RPS6KA2: variants seen among roughly 807,000 people sequenced by gnomAD.
RPS6KA2 encodes the protein ribosomal protein S6 kinase alpha-2.
Under a neutral mutation model 91.8 loss-of-function variants are expected in RPS6KA2, and 42 were observed. That is an observed-to-expected ratio of 0.46 (90% CI 0.36 to 0.59). The LOEUF (loss-of-function observed/expected upper bound fraction) is 0.59. Ranked by LOEUF, RPS6KA2 falls within the 20% of genes least tolerant of loss-of-function variation. The probability of loss-of-function intolerance (pLI) is 0.00; values close to 1 mark genes in which losing one functional copy is unlikely to be tolerated. For missense variants in RPS6KA2, 798 were observed against 978.5 expected, an observed-to-expected ratio of 0.82 and a Z score of 2.46; for synonymous variants, 414 against 393.6, an observed-to-expected ratio of 1.05 and a Z score of -0.61.
intron 14 of RPS6KA2, among the ~76,000 whole-genome samples, chr6:166,447,773 G>A (rs1779725983): frequency 6.6e-6 from 1 of 152,188 alleles, no homozygotes; most frequent in African/African-American, 2.4e-5. Flanking sequence ...GATGTTCTTT[G>A]AAGGGCAAGC....
chr6:166,781,612 T>C (rs1391482778), intron 2 of RPS6KA2, among the ~76,000 whole-genome samples: 1 of 152,202 alleles, frequency 6.6e-6, no homozygotes, highest in Non-Finnish European at 1.5e-5. Flanking sequence ...ATGTCCCGTA[T>C]GCACTCACCC....
chr6:166,742,421 C>T (rs182110723), intron 2 of RPS6KA2, among the ~76,000 whole-genome samples: 1 of 152,306 alleles, frequency 6.6e-6, no homozygotes, highest in East Asian at 1.9e-4. Context: ...AAGAGAGACA[C>T]AGACCTATGA....
At chr6:166,808,541 C>T (rs1254219510) in intron 2 of RPS6KA2, among the ~76,000 whole-genome samples, 1 of 152,164 alleles carries the variant, frequency 6.6e-6, no homozygotes, top group Non-Finnish European at 1.5e-5. Flanking sequence ...TGGCTCATAG[C>T]AGAGATGCAG....
In RPS6KA2 at chr6:166,419,992, TC is replaced by T. The variant is rs1379504988; in HGVS notation, c.1744-35del. The T allele has an allele frequency of 6.3e-7, 1 of 1,588,778 alleles. No individual in the cohort carries two copies. Among genetic ancestry groups the T allele is most frequent in the African/African-American group, 1.3e-5 (1 of 74,362 alleles). On this transcript the variant is annotated intron_variant, in intron 17 of 20. Transcript: ENST00000265678. This position sits in a 1 kb window ranked among gnomAD's most constrained non-coding sequence, Gnocchi z 5.6. ...GAACGACAGGACACCGGCACGCCCT[TC>T]ACTAAGGACATTCAGATTGACAGCA...
chr6:166,550,994 CAAAAA>C (rs58796308), intron 1 of RPS6KA2, among the ~76,000 whole-genome samples: 2 of 106,378 alleles, frequency 1.9e-5, no homozygotes, highest in African/African-American at 3.0e-5. Flanking sequence ...GACTCTATCT[CAAAAA>C]AAAAAAAAAA....
intron 2 of RPS6KA2, among the ~76,000 whole-genome samples, chr6:166,813,896 T>G (rs1259189328): frequency 1.3e-5 from 2 of 152,256 alleles, no homozygotes; most frequent in Non-Finnish European, 2.9e-5. Flanking sequence ...TCTACCTTTC[T>G]TCAGCACATT....
intron 2 of RPS6KA2, among the ~76,000 whole-genome samples, chr6:166,739,925 C>G (rs1209180333): frequency 6.6e-6 from 1 of 152,254 alleles, no homozygotes; most frequent in Non-Finnish European, 1.5e-5. Context: ...TGTTCTTCCT[C>G]TCATGTGGAT....
intron 2 of RPS6KA2, among the ~76,000 whole-genome samples, chr6:166,845,870 C>A (rs557780797): frequency 1.3e-5 from 2 of 151,782 alleles, no homozygotes; most frequent in Non-Finnish European, 2.9e-5. Context: ...CAGAGCAGAC[C>A]TAAATGAAAT....
rs765640717 is a variant in RPS6KA2 at position 166,423,220 on chromosome 6, T to C, written c.1743+36A>G. On this transcript the variant is annotated intron_variant, in intron 17 of 20. Transcript: ENST00000265678. The surrounding 1 kb of genome is among the most constrained non-coding windows in gnomAD (Gnocchi z 4.8). Reference sequence around the variant, plus strand: ...AGGGGGCAGAGCCTGTCTTTGCGGATAGAGAGGCCTGGGTCTGCAGTCGGG... The same window carrying C: ...AGGGGGCAGAGCCTGTCTTTGCGGACAGAGAGGCCTGGGTCTGCAGTCGGG... The C allele has an allele frequency of 6.3e-7, 1 of 1,577,948 alleles. No homozygotes were observed. The highest frequency in any genetic ancestry group is 1.1e-5 in the South Asian group (1 of 87,954).
At chr6:166,766,978 C>T (rs1283394415) in intron 2 of RPS6KA2, among the ~76,000 whole-genome samples, 1 of 152,180 alleles carries the variant, frequency 6.6e-6, no homozygotes, top group Non-Finnish European at 1.5e-5. Flanking sequence ...GTTTACAAGT[C>T]CAAAGAATGT....
Position 166,419,947 on chromosome 6 carries a change from A to G in RPS6KA2, c.1755T>C (p.Arg585=). The change falls in exon 18 of 21, where the codon CGT becomes CGC. Residue 585 remains arginine (R), a synonymous_variant. Transcript: ENST00000265678. This position sits in a 1 kb window ranked among gnomAD's most constrained non-coding sequence, Gnocchi z 5.6. ...TGTCACACGCCGCATCATAGCCTTG[A>G]CGCTTCAGGACCTAGGAGGGAACGA... ...ANFVAPEVLK[R]QGYDAACDIW... is the part of the protein sequence containing the mutation. The G allele has an allele frequency of 6.2e-7, 1 of 1,613,722 alleles. No homozygotes were observed. Among genetic ancestry groups the G allele is most frequent in the Non-Finnish European group, 8.5e-7 (1 of 1,179,750 alleles).
chr6:166,603,764 A>C lies in RPS6KA2; in HGVS notation c.99+23157T>G, dbSNP rs1261432433. Among the ~76,000 whole-genome samples the C allele has an allele frequency of 6.6e-6, 1 of 152,210 alleles. No individual in the cohort carries two copies. Among genetic ancestry groups the C allele is most frequent in the Non-Finnish European group, 1.5e-5 (1 of 68,030 alleles). On this transcript the variant is annotated intron_variant, in intron 1 of 20. Coordinates refer to ENST00000265678, the MANE Select transcript of RPS6KA2 (RefSeq NM_021135.6). This position sits in a 1 kb window ranked among gnomAD's most constrained non-coding sequence, Gnocchi z 4.3. ...GAGGTTGCAGAAGGGAGGCCAGGGA[A>C]TGGCTGTGGCCCAGGTGTATCAAAT...
chr6:166,730,485 T>A (rs1025480212), intron 2 of RPS6KA2, among the ~76,000 whole-genome samples: 1 of 152,232 alleles, frequency 6.6e-6, no homozygotes, highest in Non-Finnish European at 1.5e-5. Context: ...AGTCTAATGA[T>A]CCTGACATGA....
chr6:166,689,924 G>A (rs1207856240), intron 2 of RPS6KA2, among the ~76,000 whole-genome samples: 2 of 152,234 alleles, frequency 1.3e-5, no homozygotes, highest in African/African-American at 4.8e-5. Flanking sequence ...CAAAGCTGAG[G>A]CCCACCCACC....
chr6:166,628,628 G>C (rs1298450032), upstream of RPS6KA2, among the ~76,000 whole-genome samples: 1 of 152,230 alleles, frequency 6.6e-6, no homozygotes. Context: ...CGCGTTGAGC[G>C]GTGCTGCTCC....
intron 10 of RPS6KA2, among the ~76,000 whole-genome samples, chr6:166,476,395 G>A (rs1263750775): frequency 1.3e-5 from 2 of 152,172 alleles, no homozygotes; most frequent in East Asian, 1.9e-4. Context: ...ACAGAGGGGC[G>A]GCCAACGAAC....
chr6:166,814,012 A>G (rs1389182011), intron 2 of RPS6KA2, among the ~76,000 whole-genome samples: 1 of 152,204 alleles, frequency 6.6e-6, no homozygotes, highest in African/African-American at 2.4e-5. Context: ...ATACTTATCA[A>G]TTGTTGATTA....
intron 2 of RPS6KA2, among the ~76,000 whole-genome samples, chr6:166,634,000 C>T (rs1433382269): frequency 5.3e-5 from 8 of 152,138 alleles, no homozygotes; most frequent in East Asian, 1.9e-4. Context: ...GAGCAGCTTG[C>T]GCAAAGGCCC....
chr6:166,833,444 T>G (rs1780237227), intron 2 of RPS6KA2, among the ~76,000 whole-genome samples: 1 of 152,222 alleles, frequency 6.6e-6, no homozygotes, highest in Non-Finnish European at 1.5e-5. Flanking sequence ...TTCCTTTAAG[T>G]GTAGAGATCA....
Sources: gnomAD v4.1 joint callset for allele counts (sites outside exome capture counted in the v4.1 genomes callset) on GRCh38, gnomAD v4.1.1 for gene constraint, Gnocchi (gnomAD v3.1) non-coding constraint, MANE v1.5 for transcripts, NCBI Gene and HGNC (gene_info 2026-07-23, HGNC 2026-07-21) for gene names.